WDR64: variants seen among roughly 807,000 people sequenced by gnomAD.
WDR64 encodes the protein WD repeat domain 64.
Under a neutral mutation model 139.3 loss-of-function variants are expected in WDR64, and 112 were observed. The ratio of observed to expected loss-of-function variants is 0.80; its 90% confidence interval spans 0.69 to 0.94. The LOEUF is 0.94. WDR64 is among the 40% of genes least tolerant of loss of function. The pLI, the probability that WDR64 is intolerant of heterozygous loss-of-function variation, is 0.00. For missense variants in WDR64, 1,206 were observed against 1,293.1 expected, an observed-to-expected ratio of 0.93 and a Z score of 1.03; for synonymous variants, 444 against 437.7, an observed-to-expected ratio of 1.01 and a Z score of -0.18.
chr1:241,674,981 T>C lies in WDR64; in HGVS notation c.483+234T>C, dbSNP rs1487246956. Among the ~76,000 whole-genome samples the C allele has an allele frequency of 1.9e-4, 7 of 37,716 alleles. 2 individuals carry two copies. Among genetic ancestry groups the C allele is most frequent in the Non-Finnish European group, 3.0e-4 (4 of 13,166 alleles). 24.7% of individuals were successfully genotyped at this position (37,716 alleles called of 152,430 possible). ...CTCCTCCCTTCTTTTTCTTTCCTTC[T>C]TTCCTCCCTTTCTCCCTCCCTCTCT... On this transcript the variant is annotated intron_variant, in intron 4 of 27. Coordinates refer to ENST00000437684, the MANE Select transcript of WDR64 (RefSeq NM_001367482.1).
intron 25 of WDR64, 79 bp from the exon 26 acceptor site, chr1:241,795,128 A>T: frequency 8.2e-7 from 1 of 1,225,288 alleles, no homozygotes; most frequent in Admixed American, 1.9e-5. Context: ...TAAGTGACAG[A>T]GTCAGGATTT....
At position 241,656,878 on chromosome 1, in the gene WDR64, G is replaced by GTGTA. The variant is rs1665618378; in HGVS notation, c.146-3649_146-3648insATGT. ...CAAGTCTTTGCCAAATGTTGTGTGT[G>GTGTA]TGTGTGTGTGTGTGTGTGTGTGTGT... On this transcript the variant is annotated intron_variant, in intron 1 of 27. Coordinates refer to ENST00000437684, the MANE Select transcript of WDR64 (RefSeq NM_001367482.1). This position sits in a 1 kb window ranked among gnomAD's most constrained non-coding sequence, Gnocchi z 4.3. Among the ~76,000 whole-genome samples the GTGTA allele has an allele frequency of 2.2e-5, 3 of 136,370 alleles. No individual in the cohort carries two copies. The highest frequency in any genetic ancestry group is 5.3e-5 in the African/African-American group (2 of 37,950). 89.5% of individuals were successfully genotyped at this position (136,370 alleles called of 152,430 possible).
At chr1:241,783,677 A>G (rs998703356) in intron 23 of WDR64, among the ~76,000 whole-genome samples, 5 of 152,242 alleles carry the variant, frequency 3.3e-5, no homozygotes, top group African/African-American at 1.2e-4. Flanking sequence ...CAAGATAGCT[A>G]TCTCGGAGAG....
intron 3 of WDR64, among the ~76,000 whole-genome samples, chr1:241,673,666 C>T (rs546254780): frequency 7.9e-5 from 12 of 152,272 alleles, no homozygotes; most frequent in East Asian, 1.9e-4. Context: ...TTGAGATACA[C>T]GGATGAGGGT....
chr1:241,677,997 C>T (rs1028266384), intron 4 of WDR64, among the ~76,000 whole-genome samples, 190 bp from the exon 5 acceptor site: 34 of 152,186 alleles, frequency 2.2e-4, no homozygotes, highest in Non-Finnish European at 2.9e-4. Context: ...ATAAGCCTTG[C>T]TCACAGCAAA....
intron 16 of WDR64, among the ~76,000 whole-genome samples, chr1:241,768,622 T>C (rs558469907): frequency 6.6e-6 from 1 of 152,386 alleles, no homozygotes; most frequent in South Asian, 2.1e-4. Flanking sequence ...TGGGTTCACT[T>C]TCCAGGAGGC....
intron 4 of WDR64, among the ~76,000 whole-genome samples, chr1:241,675,125 T>TTCCTCCC (rs1558466132): frequency 2.2e-5 from 1 of 44,854 alleles, no homozygotes; most frequent in Non-Finnish European, 4.1e-5. Flanking sequence ...CCCTCCCTCC[T>TTCCTCCC]TCCCTCCTTC....
intron 6 of WDR64, among the ~76,000 whole-genome samples, chr1:241,680,969 C>T (rs1666765845): frequency 6.6e-6 from 1 of 152,150 alleles, no homozygotes; most frequent in South Asian, 2.1e-4. Context: ...GTGCTGTCAC[C>T]TACAGATTTA....
At chr1:241,667,494 A>C (rs1424487907) in intron 2 of WDR64, among the ~76,000 whole-genome samples, 1 of 152,162 alleles carries the variant, frequency 6.6e-6, no homozygotes, top group African/African-American at 2.4e-5. Flanking sequence ...TAATATAAGA[A>C]AATTATCCTG....
At chr1:241,782,230 G>A (rs1000990204) in intron 22 of WDR64, among the ~76,000 whole-genome samples, 1 of 152,244 alleles carries the variant, frequency 6.6e-6, no homozygotes, top group Non-Finnish European at 1.5e-5. Flanking sequence ...AGAGGTTGCA[G>A]TGAGCCGAGA....
intron 24 of WDR64, among the ~76,000 whole-genome samples, chr1:241,789,112 T>C (rs1286606324): frequency 6.6e-6 from 1 of 152,054 alleles, no homozygotes; most frequent in East Asian, 1.9e-4. Context: ...ATGGAACTAA[T>C]AAAGAATGAC....
chr1:241,719,102 C>T (rs961871861), intron 9 of WDR64, among the ~76,000 whole-genome samples: 2 of 152,000 alleles, frequency 1.3e-5, no homozygotes, highest in Non-Finnish European at 2.9e-5. Context: ...AATAACACTC[C>T]AAGAAGTGAG....
rs1244589414 is a variant in WDR64 at position 241,656,924 on chromosome 1, G to A, written c.146-3606G>A. Among the ~76,000 whole-genome samples, 4 of 149,908 alleles carry A rather than the reference G, an allele frequency of 2.7e-5. No individual in the cohort carries two copies. The highest frequency in any genetic ancestry group is 5.9e-5 in the Non-Finnish European group (4 of 67,476). Reference sequence around the variant, plus strand: ...TGTGTGTGTGTGTCTGTCTGGGGATGGAGGTGAGGTGCAAAATCTCCCCTG... The same window carrying A: ...TGTGTGTGTGTGTCTGTCTGGGGATAGAGGTGAGGTGCAAAATCTCCCCTG... On this transcript the variant is annotated intron_variant, in intron 1 of 27. Transcript: ENST00000437684. This position sits in a 1 kb window ranked among gnomAD's most constrained non-coding sequence, Gnocchi z 4.3.
rs542586983 is a variant in WDR64 at position 241,664,662 on chromosome 1, A to G, written c.276+4002A>G. On this transcript the variant is annotated intron_variant, in intron 2 of 27. Transcript: ENST00000437684. ...TCTGCTCCTCTTTCCCTTTCTAGCT[A>G]GAACATCATAATCTTCCTTCATTTG... 2.0e-4 allele frequency among the ~76,000 whole-genome samples: 30 copies of G among 152,340 alleles called. No individual in the cohort carries two copies. The South Asian group carries it at 6.0e-3, about 30-fold the overall frequency.
intron 22 of WDR64, among the ~76,000 whole-genome samples, chr1:241,780,290 A>G (rs923479585): frequency 1.2e-4 from 19 of 152,210 alleles, no homozygotes; most frequent in Admixed American, 1.2e-3. Flanking sequence ...GTCACTTTGC[A>G]TCGTCTTCAT....
At chr1:241,771,850 C>T (rs114725032) in intron 19 of WDR64, among the ~76,000 whole-genome samples, 153 bp downstream of exon 19, 25,358 of 144,054 alleles carry the variant, frequency 0.18, 2,584 homozygotes, top group African/African-American at 0.26. Context: ...TCATTATATA[C>T]GTATATATAA....
At chr1:241,778,218 T>C (rs764848509) in intron 21 of WDR64, among the ~76,000 whole-genome samples, 2 of 152,200 alleles carry the variant, frequency 1.3e-5, no homozygotes, top group Admixed American at 1.3e-4. Context: ...TCAAATCTTC[T>C]TGGAGAATTG....
chr1:241,732,212 C>T (rs1669108809), intron 10 of WDR64, among the ~76,000 whole-genome samples: 1 of 152,134 alleles, frequency 6.6e-6, no homozygotes, highest in Non-Finnish European at 1.5e-5. Context: ...CTAAATGATA[C>T]TGTGATTCTA....
intron 3 of WDR64, 33 bp downstream of exon 3, chr1:241,671,209 T>G (rs577175626): frequency 3.0e-6 from 4 of 1,355,112 alleles, no homozygotes; most frequent in South Asian, 1.3e-5. Context: ...CAAATTAGTA[T>G]GAGTTTTAAT....
Sources: allele counts gnomAD v4.1 joint callset (sites outside exome capture counted in the v4.1 genomes callset), GRCh38; gene constraint gnomAD v4.1.1; non-coding constraint Gnocchi (gnomAD v3.1); transcripts MANE v1.5; gene names NCBI Gene and HGNC (gene_info 2026-07-23, HGNC 2026-07-21).